Variants in PHACTR3 observed in about 807,000 individuals in gnomAD.
PHACTR3 encodes phosphatase and actin regulator 3, also known as protein phosphatase 1, regulatory subunit 123.
PHACTR3 carries 16 observed loss-of-function variants against 66.8 expected under a neutral mutation model. That is an observed-to-expected ratio of 0.24 (90% CI 0.16 to 0.36). PHACTR3 has a LOEUF of 0.36. Among genes scored for constraint, PHACTR3 ranks in the 10% least tolerant of loss-of-function variants. PHACTR3 has a pLI of 1.00. For missense variants in PHACTR3, 647 were observed against 719.9 expected (o/e 0.90, Z 1.16); for synonymous variants, 323 against 292.1 (o/e 1.11, Z -1.08).
At chr20:59,653,239 C>A (rs1479339595) in intron 1 of PHACTR3, among the ~76,000 whole-genome samples, 1 of 150,142 alleles carries the variant, frequency 6.7e-6, no homozygotes, top group Non-Finnish European at 1.5e-5. Flanking sequence ...GGCTGGAGTG[C>A]AGTGGCACCA....
intron 1 of PHACTR3, among the ~76,000 whole-genome samples, chr20:59,734,762 G>T (rs1266171176): frequency 6.6e-6 from 1 of 152,044 alleles, no homozygotes; most frequent in Non-Finnish European, 1.5e-5. Flanking sequence ...TTCCCCAAAT[G>T]ACTCCCCATT....
At chr20:59,635,139 CTTT>C (rs2034816334) in intron 1 of PHACTR3, among the ~76,000 whole-genome samples, 2 of 71,050 alleles carry the variant, frequency 2.8e-5, no homozygotes, top group South Asian at 5.1e-4. Flanking sequence ...TTCTTTCTTT[CTTT>C]CTTTCTTTTT....
intron 1 of PHACTR3, among the ~76,000 whole-genome samples, chr20:59,720,514 G>A (rs1284227430): frequency 2.0e-5 from 3 of 152,114 alleles, no homozygotes; most frequent in Non-Finnish European, 2.9e-5. Flanking sequence ...TAAGCGCAAC[G>A]CTGTGCTTGA....
chr20:59,640,737 C>T (rs1305965250), intron 1 of PHACTR3, among the ~76,000 whole-genome samples: 7 of 152,160 alleles, frequency 4.6e-5, no homozygotes, highest in African/African-American at 1.4e-4. Flanking sequence ...TTTTACCTTG[C>T]ATCTCAGAGA....
In PHACTR3 at chr20:59,828,712, G is replaced by A. The variant is rs1007999895; in HGVS notation, c.1329-7793G>A. On this transcript the variant is annotated intron_variant, in intron 8 of 12. Transcript: ENST00000371015. ...ATCACCCGGCATGGAGTTTTGGGAG[G>A]GGTGGGAGTAGGAGGGGCTGCTGGA... 2.6e-5 allele frequency among the ~76,000 whole-genome samples: 4 copies of A among 152,230 alleles called. 1 individual carries two copies. Among genetic ancestry groups the A allele is most frequent in the Admixed American group, 2.6e-4 (4 of 15,302 alleles).
intron 1 of PHACTR3, among the ~76,000 whole-genome samples, chr20:59,707,554 C>T (rs1298094596): frequency 2.7e-5 from 4 of 149,500 alleles, no homozygotes; most frequent in African/African-American, 9.9e-5. Context: ...GCAACCTCTG[C>T]CTCCTGGGTT....
At chr20:59,709,566 C>T (rs1213849033) in intron 1 of PHACTR3, among the ~76,000 whole-genome samples, 3 of 152,098 alleles carry the variant, frequency 2.0e-5, no homozygotes, top group African/African-American at 7.2e-5. Flanking sequence ...GACACTTTCC[C>T]AGAAGTACTG....
intron 8 of PHACTR3, among the ~76,000 whole-genome samples, chr20:59,825,757 C>T (rs941529619): frequency 6.6e-6 from 1 of 152,122 alleles, no homozygotes; most frequent in African/African-American, 2.4e-5. Context: ...CAGGCAGAGG[C>T]GCTGGGTGGG....
chr20:59,583,102 C>A (rs751637026), intron 1 of PHACTR3, among the ~76,000 whole-genome samples: 43 of 152,186 alleles, frequency 2.8e-4, no homozygotes, highest in Non-Finnish European at 4.9e-4. Flanking sequence ...AAAAACACAT[C>A]CCTCTGCGTC....
intron 1 of PHACTR3, among the ~76,000 whole-genome samples, chr20:59,706,250 C>G (rs893976172): frequency 5.3e-5 from 8 of 152,166 alleles, no homozygotes; most frequent in African/African-American, 1.7e-4. Flanking sequence ...GAGTTTCAGA[C>G]TGTGGAACTC....
rs117312924 is a variant in PHACTR3, at chr20:59,710,375, C to T, written c.119-32732C>T. ...TGAGATGTTAGTGGTCCTCATTGGACTGTGACTGGGTCCTGGTTTTTGAAG... is the reference window on the plus strand; with the variant it reads ...TGAGATGTTAGTGGTCCTCATTGGATTGTGACTGGGTCCTGGTTTTTGAAG... On this transcript the variant is annotated intron_variant, in intron 1 of 12. Transcript: ENST00000371015. Among the ~76,000 whole-genome samples the T allele has an allele frequency of 8.1e-3, 1,233 of 152,248 alleles. 9 individuals are homozygous for T. The highest frequency in any genetic ancestry group is 0.014 in the Non-Finnish European group (939 of 68,024).
upstream of PHACTR3, among the ~76,000 whole-genome samples, chr20:59,602,308 G>A (rs2033499788): frequency 6.6e-6 from 1 of 152,000 alleles, no homozygotes; most frequent in Non-Finnish European, 1.5e-5. Context: ...GGTGCACACT[G>A]TACTCCCAAG....
chr20:59,654,387 G>A, intron 1 of PHACTR3, among the ~76,000 whole-genome samples: 1 of 152,092 alleles, frequency 6.6e-6, no homozygotes, highest in East Asian at 1.9e-4. Flanking sequence ...TGAAATAACA[G>A]GTGTAGGCAA....
At position 59,738,326 on chromosome 20, in the gene PHACTR3, T is replaced by C. The variant is rs1036991612; in HGVS notation, c.119-4781T>C. Among the ~76,000 whole-genome samples the C allele has an allele frequency of 2.6e-5, 4 of 151,716 alleles. No homozygotes were observed. The highest frequency in any genetic ancestry group is 4.9e-5 in the African/African-American group (2 of 41,224). ...AAGCACTAATGCACAATAAGGATGA[T>C]AATAAGGGGGAGGGAGCAGCAGAGC... On this transcript the variant is annotated intron_variant, in intron 1 of 12. Coordinates refer to ENST00000371015, the MANE Select transcript of PHACTR3 (RefSeq NM_080672.5). This position sits in a 1 kb window ranked among gnomAD's most constrained non-coding sequence, Gnocchi z 4.4.
intron 3 of PHACTR3, among the ~76,000 whole-genome samples, chr20:59,748,670 G>A (rs372884014): frequency 2.0e-5 from 3 of 152,240 alleles, no homozygotes; most frequent in South Asian, 2.1e-4. Context: ...CTAAATCTTG[G>A]TTAGGAGGTT....
At chr20:59,676,557 A>T in intron 1 of PHACTR3, 1 of 214,340 alleles carries the variant, frequency 4.7e-6, no homozygotes, top group Non-Finnish European at 8.0e-6. Flanking sequence ...GAGCTTCCTG[A>T]CAATTGCAGT....
chr20:59,824,775 C>A (rs1206596611), intron 8 of PHACTR3, among the ~76,000 whole-genome samples: 1 of 152,114 alleles, frequency 6.6e-6, no homozygotes, highest in Non-Finnish European at 1.5e-5. Context: ...ACAGCCCCAC[C>A]AGTGGGGGGG....
At chr20:59,772,676 G>C (rs954441672) in intron 5 of PHACTR3, among the ~76,000 whole-genome samples, 4 of 152,160 alleles carry the variant, frequency 2.6e-5, no homozygotes, top group African/African-American at 9.7e-5. Context: ...GCCGAGTGGG[G>C]CCACCCCCAG....
At chr20:59,605,551 G>A (rs919615790) in intron 1 of PHACTR3, among the ~76,000 whole-genome samples, 1 of 152,342 alleles carries the variant, frequency 6.6e-6, no homozygotes, top group Non-Finnish European at 1.5e-5. Context: ...GCTCCTGGAA[G>A]GCAGCGCTCC....
Sources: allele counts gnomAD v4.1 joint callset (sites outside exome capture counted in the v4.1 genomes callset), GRCh38; gene constraint gnomAD v4.1.1; non-coding constraint Gnocchi (gnomAD v3.1); transcripts MANE v1.5; gene names NCBI Gene and HGNC (gene_info 2026-07-23, HGNC 2026-07-21).